The following ADD2 variants were observed in gnomAD, a reference collection of about 807,000 sequenced individuals.
ADD2 encodes adducin 2.
In ADD2, 23 loss-of-function variants were observed where a neutral mutation model predicts 83.0. The ratio of observed to expected loss-of-function variants is 0.28; its 90% CI spans 0.20 to 0.39. ADD2 has a LOEUF of 0.39. Among genes scored for constraint, ADD2 ranks in the 10% least tolerant of loss-of-function variants. The pLI is 1.00. For synonymous variants in ADD2, 375 were observed against 375.4 expected (o/e 1.00, Z 0.01); for missense variants, 758 against 944.9 (o/e 0.80, Z 2.59).
chr2:70,746,940 A>C (rs1414981353), intron 1 of ADD2, among the ~76,000 whole-genome samples: 4 of 152,014 alleles, frequency 2.6e-5, no homozygotes, highest in African/African-American at 7.3e-5. Flanking sequence ...AACTGGGCTA[A>C]GTGCTGAGAG....
intron 1 of ADD2, among the ~76,000 whole-genome samples, chr2:70,737,758 C>T (rs1553380449): frequency 6.6e-6 from 1 of 152,178 alleles, no homozygotes; most frequent in African/African-American, 2.4e-5. Context: ...AGGCTTGATA[C>T]TGTTTTGAAA....
At chr2:70,713,927 C>T (rs1015710460) in intron 1 of ADD2, among the ~76,000 whole-genome samples, 2 of 152,028 alleles carry the variant, frequency 1.3e-5, no homozygotes, top group African/African-American at 4.8e-5. Flanking sequence ...TGAAGAATAT[C>T]GCATCCCAGG....
intron 1 of ADD2, among the ~76,000 whole-genome samples, chr2:70,738,632 C>T (rs1174356428): frequency 2.6e-5 from 4 of 152,168 alleles, no homozygotes; most frequent in African/African-American, 7.2e-5. Context: ...GTACCAGGAC[C>T]GCAGTGCTGG....
chr2:70,747,936 A>G (rs947219692), intron 1 of ADD2, among the ~76,000 whole-genome samples: 1 of 152,214 alleles, frequency 6.6e-6, no homozygotes, highest in Non-Finnish European at 1.5e-5. Flanking sequence ...TGCTCTTTTC[A>G]GCTTCCACCT....
Position 70,695,948 on chromosome 2 carries a change from A to G in ADD2, c.475-147T>C. ...TATCTCTCCCCCCCAGCCATAAGAG[A>G]TAAAAAGAACTCAGCTTTTATTTGG... On this transcript the variant is annotated intron_variant, in intron 5 of 15. Transcript: ENST00000264436. 1.2e-5 allele frequency: 9 copies of G among 738,590 alleles called. 1 individual carries two copies. The South Asian group carries it at 1.7e-4, about 14-fold the overall frequency. 45.8% of individuals were successfully genotyped at this position (738,590 alleles called of 1,614,324 possible).
intron 3 of ADD2, 97 bp from the exon 4 acceptor site, chr2:70,704,556 G>C (rs1281629883): frequency 6.0e-6 from 9 of 1,500,166 alleles, no homozygotes; most frequent in Non-Finnish European, 8.2e-6. Context: ...CCCTGGGTCA[G>C]CTAGGTCAGG....
At chr2:70,731,509 A>C (rs1673280732) in intron 1 of ADD2, among the ~76,000 whole-genome samples, 1 of 152,226 alleles carries the variant, frequency 6.6e-6, no homozygotes, top group African/African-American at 2.4e-5. Flanking sequence ...TGGAAGTTTT[A>C]AGCAGACAAA....
At chr2:70,696,447 T>C (rs768904479) in intron 4 of ADD2, 51 bp from the exon 5 acceptor site, 5 of 1,606,932 alleles carry the variant, frequency 3.1e-6, no homozygotes, top group African/African-American at 1.3e-5. Flanking sequence ...TGCCCTCCCC[T>C]TCCTTGCTCC....
intron 1 of ADD2, among the ~76,000 whole-genome samples, chr2:70,743,861 G>A (rs1287294389): frequency 2.6e-5 from 4 of 152,230 alleles, no homozygotes; most frequent in African/African-American, 4.8e-5. Flanking sequence ...GCAGAGCTGA[G>A]AAGCCTAGAG....
At chr2:70,758,918 C>A (rs1483911276) in intron 1 of ADD2, among the ~76,000 whole-genome samples, 1 of 152,080 alleles carries the variant, frequency 6.6e-6, no homozygotes, top group Non-Finnish European at 1.5e-5. Context: ...CCATATGAAA[C>A]AGGAACCCAA....
rs1215940794 is a variant in ADD2, at chr2:70,659,873, C to T, written c.*3552G>A. On this transcript the variant is annotated 3_prime_UTR_variant, in exon 16 of 16. Transcript: ENST00000264436. ...GCCTGCCTTGCGATGGAAATAAGCT[C>T]AGAAACCTCTCCACTTCCCAGCTCA... 1.3e-5 allele frequency: 2 copies of T among 152,334 alleles called. No homozygotes were observed. The highest frequency in any genetic ancestry group is 1.5e-5 in the Non-Finnish European group (1 of 68,126). The allele number at this position is 152,334 out of a possible 1,614,324, so 9.4% of individuals were successfully genotyped here.
chr2:70,717,963 A>T (rs1385688680), intron 1 of ADD2, among the ~76,000 whole-genome samples: 1 of 152,214 alleles, frequency 6.6e-6, no homozygotes, highest in Admixed American at 6.5e-5. Context: ...AGAGAGAAAG[A>T]GGCAGGACAG....
chr2:70,709,639 G>T (rs1672075832), intron 2 of ADD2, among the ~76,000 whole-genome samples: 1 of 152,154 alleles, frequency 6.6e-6, no homozygotes, highest in Admixed American at 6.5e-5. Flanking sequence ...TTCTAGCTCT[G>T]ACACTCTATG....
chr2:70,713,102 G>A lies in ADD2; in HGVS notation c.-71C>T. ...CCCAGCCCTGTCCAAGGCTCCTTCTGTTCACTGCTCAGTCTGCACCCCCTA... is the reference window on the plus strand; with the variant it reads ...CCCAGCCCTGTCCAAGGCTCCTTCTATTCACTGCTCAGTCTGCACCCCCTA... On this transcript the variant is annotated 5_prime_UTR_variant, in exon 2 of 16. Transcript: ENST00000264436. 1.2e-5 allele frequency: 12 copies of A among 985,512 alleles called. No individual in the cohort carries two copies. The highest frequency in any genetic ancestry group is 1.4e-5 in the Non-Finnish European group (12 of 830,046). 61.0% of individuals were successfully genotyped at this position (985,512 alleles called of 1,614,324 possible). A position where few individuals can be genotyped will look rare whatever the true frequency, so the allele number is the denominator to read the frequency against.
chr2:70,714,247 G>A (rs1283580823), intron 1 of ADD2, among the ~76,000 whole-genome samples: 5 of 152,134 alleles, frequency 3.3e-5, no homozygotes, highest in Non-Finnish European at 5.9e-5. Context: ...GCTGCTGGGG[G>A]CTGTCTCACC....
At chr2:70,739,401 C>G (rs1673759490) in intron 1 of ADD2, among the ~76,000 whole-genome samples, 1 of 152,116 alleles carries the variant, frequency 6.6e-6, no homozygotes, top group Non-Finnish European at 1.5e-5. Context: ...GGCAAGGTTG[C>G]AGAGAAAAGA....
rs200212314 is a variant in ADD2, at chr2:70,704,373, G to A, written c.270C>T (p.Ile90=). ...GGGAGGTGCTGGCCATGAAGTCCGC[G>A]ATCTGTCGCAGGGCCCAGATGTTGG... ...NSSNIWALRQ[I]ADFMASTSHA... Residue 90 remains isoleucine (I), a synonymous_variant, in exon 4 of 16, where the codon ATC becomes ATT. Coordinates refer to ENST00000264436, the MANE Select transcript of ADD2 (RefSeq NM_001617.4). 7.5e-6 allele frequency: 12 copies of A among 1,608,322 alleles called. No individual in the cohort carries two copies. The highest frequency in any genetic ancestry group is 1.1e-5 in the South Asian group (1 of 90,926).
intron 1 of ADD2, among the ~76,000 whole-genome samples, chr2:70,735,542 A>C (rs1250321948): frequency 1.3e-5 from 2 of 151,440 alleles, no homozygotes; most frequent in Non-Finnish European, 2.9e-5. Flanking sequence ...ACACCCCTAA[A>C]ATTTCCTCTG....
chr2:70,664,747 G>A (rs1553365782), intron 15 of ADD2, among the ~76,000 whole-genome samples: 2 of 125,396 alleles, frequency 1.6e-5, no homozygotes, highest in African/African-American at 5.9e-5. Flanking sequence ...AAGTGTGTGT[G>A]TGGGTGTGTG....
Sources: gnomAD v4.1 joint callset for allele counts (sites outside exome capture counted in the v4.1 genomes callset) on GRCh38, gnomAD v4.1.1 for gene constraint, MANE v1.5 for transcripts, NCBI Gene and HGNC (gene_info 2026-07-23, HGNC 2026-07-21) for gene names.